The following CSGALNACT1 variants were observed in gnomAD, a reference collection of about 807,000 sequenced individuals.
CSGALNACT1 encodes the protein beta4GalNAcT-1.
Under a neutral mutation model 51.0 loss-of-function variants are expected in CSGALNACT1, and 52 were observed. The ratio of observed to expected loss-of-function variants is 1.02; its 90% confidence interval spans 0.82 to 1.29. The LOEUF (loss-of-function observed/expected upper bound fraction) is 1.29. Among genes scored for constraint, CSGALNACT1 ranks in the 50% most tolerant of loss-of-function variants. CSGALNACT1 has a pLI of 0.00. For synonymous variants in CSGALNACT1, 341 were observed against 254.4 expected (o/e 1.34, Z -3.24); for missense variants, 935 against 679.2 (o/e 1.38, Z -4.19).
chr8:19,672,628 T>C (rs1043218367), intron 1 of CSGALNACT1, among the ~76,000 whole-genome samples: 2 of 152,236 alleles, frequency 1.3e-5, no homozygotes, highest in African/African-American at 4.8e-5. Flanking sequence ...CACTTATAGA[T>C]GACATTTATA....
At chr8:19,583,219 A>C (rs551659977) in intron 3 of CSGALNACT1, among the ~76,000 whole-genome samples, 1 of 152,334 alleles carries the variant, frequency 6.6e-6, no homozygotes, top group Admixed American at 6.5e-5. Context: ...TAGAAGACAA[A>C]AAGTAGAGTT....
At chr8:19,476,581 T>G (rs961525803) in intron 4 of CSGALNACT1, among the ~76,000 whole-genome samples, 2 of 152,060 alleles carry the variant, frequency 1.3e-5, no homozygotes, top group Admixed American at 1.3e-4. Context: ...GACGCCCAAA[T>G]TCTTTGGCAA....
chr8:19,549,913 G>A (rs1010271037), intron 3 of CSGALNACT1, among the ~76,000 whole-genome samples: 1 of 152,026 alleles, frequency 6.6e-6, no homozygotes, highest in African/African-American at 2.4e-5. Flanking sequence ...TGGAATGTTT[G>A]CTGAGCCTTT....
intron 3 of CSGALNACT1, among the ~76,000 whole-genome samples, chr8:19,576,695 C>A (rs2044303552): frequency 6.6e-6 from 1 of 152,008 alleles, no homozygotes; most frequent in Admixed American, 6.6e-5. Flanking sequence ...CCCCATGCTA[C>A]CCTGCTGTGA....
At chr8:19,553,641 A>ATATATATATATATATATATG (rs2088861144) in intron 3 of CSGALNACT1, among the ~76,000 whole-genome samples, 2 of 119,164 alleles carry the variant, frequency 1.7e-5, no homozygotes, top group Non-Finnish European at 3.4e-5. Flanking sequence ...ATATATATAA[A>ATATATATATATATATATATG]AAAATATGTC....
chr8:19,698,559 C>G (rs1296749228), intron 1 of CSGALNACT1, among the ~76,000 whole-genome samples: 1 of 152,162 alleles, frequency 6.6e-6, no homozygotes, highest in Non-Finnish European at 1.5e-5. Flanking sequence ...AGCAGAGGAG[C>G]AGTGATTCTC....
chr8:19,741,307 G>A (rs28594358), intron 1 of CSGALNACT1, among the ~76,000 whole-genome samples: 8,732 of 152,210 alleles, frequency 0.057, 856 homozygotes, highest in African/African-American at 0.2. Flanking sequence ...GCTTACGCCT[G>A]TAATTCCAGC....
intron 1 of CSGALNACT1, among the ~76,000 whole-genome samples, chr8:19,608,290 C>G (rs570943400): frequency 1.3e-5 from 2 of 152,314 alleles, no homozygotes; most frequent in African/African-American, 4.8e-5. Flanking sequence ...CATTCCCACA[C>G]CTTATACACC....
chr8:19,599,898 C>G (rs1007506705), intron 2 of CSGALNACT1, among the ~76,000 whole-genome samples: 1 of 152,190 alleles, frequency 6.6e-6, no homozygotes, highest in African/African-American at 2.4e-5. Context: ...AAACCTACCC[C>G]ACACCCAGTG....
chr8:19,742,921 C>T (rs1346971588), intron 1 of CSGALNACT1, among the ~76,000 whole-genome samples: 1 of 152,176 alleles, frequency 6.6e-6, no homozygotes, highest in Admixed American at 6.5e-5. Context: ...AGCCTCTTTG[C>T]CTCTCTGAGC....
intron 4 of CSGALNACT1, among the ~76,000 whole-genome samples, chr8:19,462,950 G>A (rs1384042517): frequency 3.9e-5 from 6 of 152,036 alleles, no homozygotes; most frequent in Admixed American, 1.3e-4. Context: ...CCCAATAGGT[G>A]GTTTTCCAAT....
chr8:19,664,763 A>G (rs1474200043), intron 1 of CSGALNACT1, among the ~76,000 whole-genome samples: 2 of 152,216 alleles, frequency 1.3e-5, no homozygotes, highest in Non-Finnish European at 2.9e-5. Context: ...ACTGGAGGTA[A>G]TTATCTCAAG....
At chr8:19,673,676 G>T (rs1056821318) in intron 1 of CSGALNACT1, among the ~76,000 whole-genome samples, 1 of 152,194 alleles carries the variant, frequency 6.6e-6, no homozygotes, top group African/African-American at 2.4e-5. Context: ...CTTCTACCAC[G>T]TGCTAATGTT....
chr8:19,533,652 C>G (rs983052071), intron 3 of CSGALNACT1, among the ~76,000 whole-genome samples: 1 of 152,116 alleles, frequency 6.6e-6, no homozygotes, highest in Non-Finnish European at 1.5e-5. Context: ...AGGCTGTAAG[C>G]TCTTTGAGAG....
intron 1 of CSGALNACT1, among the ~76,000 whole-genome samples, chr8:19,674,292 C>CA (rs911083057): frequency 3.8e-4 from 55 of 144,792 alleles, no homozygotes; most frequent in Admixed American, 1.1e-3. Context: ...GACTGTGTCT[C>CA]AAAAAAAAAA....
intron 3 of CSGALNACT1, among the ~76,000 whole-genome samples, chr8:19,584,852 C>T (rs991886989): frequency 2.0e-5 from 3 of 152,176 alleles, no homozygotes; most frequent in Non-Finnish European, 4.4e-5. Context: ...TCCAGACCAA[C>T]AGCAAAGTAG....
intron 1 of CSGALNACT1, among the ~76,000 whole-genome samples, chr8:19,719,863 C>T (rs1391392295): frequency 6.6e-6 from 1 of 151,476 alleles, no homozygotes; most frequent in South Asian, 2.1e-4. Context: ...TCGCCTAGAT[C>T]CCCTGCAGCT....
At chr8:19,432,120 ACTC>A (rs2059739537) in intron 6 of CSGALNACT1, among the ~76,000 whole-genome samples, 1 of 151,392 alleles carries the variant, frequency 6.6e-6, no homozygotes. Flanking sequence ...CGCCCCAAGG[ACTC>A]CTCTTAGTAT....
chr8:19,675,819 T>A (rs2060135844), intron 1 of CSGALNACT1, among the ~76,000 whole-genome samples: 1 of 151,958 alleles, frequency 6.6e-6, no homozygotes, highest in African/African-American at 2.4e-5. Flanking sequence ...TCCACCCCAC[T>A]CTGCCCAAGG....
Sources: gnomAD v4.1 joint callset for allele counts (sites outside exome capture counted in the v4.1 genomes callset) on GRCh38, gnomAD v4.1.1 for gene constraint, MANE v1.5 for transcripts, NCBI Gene and HGNC (gene_info 2026-07-23, HGNC 2026-07-21) for gene names.